Variants in ESRP1 observed in about 807,000 individuals in gnomAD.
ESRP1 encodes RNA-binding motif protein 35A.
In ESRP1, 33 loss-of-function variants were observed where a neutral mutation model predicts 81.7. The observed-to-expected ratio is 0.40, with a 90% CI of 0.31 to 0.54. The LOEUF is 0.54. ESRP1 is among the 20% of genes least tolerant of loss of function. The probability of loss-of-function intolerance (pLI) is 0.41; values close to 1 mark genes in which losing one functional copy is unlikely to be tolerated. For missense variants in ESRP1, 672 were observed against 833.1 expected, an observed-to-expected ratio of 0.81 and a Z score of 2.38; for synonymous variants, 320 against 303.3, an observed-to-expected ratio of 1.06 and a Z score of -0.57.
intron 13 of ESRP1, among the ~76,000 whole-genome samples, chr8:94,679,974 T>C (rs1381072365): frequency 2.6e-5 from 4 of 152,184 alleles, no homozygotes; most frequent in Non-Finnish European, 5.9e-5. Context: ...TATTTGTAGA[T>C]ATCTGTACTT....
At chr8:94,704,119 A>G (rs1238784094) in intron 15 of ESRP1, among the ~76,000 whole-genome samples, 3 of 148,812 alleles carry the variant, frequency 2.0e-5, no homozygotes, top group Admixed American at 6.7e-5. Flanking sequence ...TGTAGAATCT[A>G]TGTTATTAAG....
intron 3 of ESRP1, among the ~76,000 whole-genome samples, chr8:94,645,641 T>A (rs190923767): frequency 6.6e-6 from 1 of 151,860 alleles, no homozygotes; most frequent in East Asian, 1.9e-4. Context: ...AATGTGGGAC[T>A]ATTATTTGGC....
At chr8:94,667,878 T>C in intron 9 of ESRP1, 71 bp from the exon 10 acceptor site, 1 of 1,324,538 alleles carries the variant, frequency 7.5e-7, no homozygotes. Flanking sequence ...AGGACTTTTA[T>C]CACTTTAAAA....
intron 11 of ESRP1, among the ~76,000 whole-genome samples, chr8:94,672,937 C>T (rs749406832): frequency 1.3e-3 from 202 of 152,142 alleles, no homozygotes; most frequent in Admixed American, 2.9e-3. Flanking sequence ...TTTTTTTCCC[C>T]TAAATTGCTA....
At chr8:94,690,467 T>C (rs1005702786) in intron 13 of ESRP1, among the ~76,000 whole-genome samples, 7 of 151,998 alleles carry the variant, frequency 4.6e-5, no homozygotes, top group African/African-American at 7.3e-5. Context: ...CTTACTTTCA[T>C]GTCCTGTCAG....
Position 94,685,022 on chromosome 8 carries a change from T to TA in ESRP1, c.1820+6664dup, listed in dbSNP as rs34287340. Reference sequence around the variant, plus strand: ...GTGGGAGACAGCACAAGCCTGTCTTTAAAAAAAAAAAAAGCCATATATATC... The same window carrying TA: ...GTGGGAGACAGCACAAGCCTGTCTTTAAAAAAAAAAAAAAGCCATATATATC... On this transcript the variant is annotated intron_variant, in intron 13 of 15. Transcript: ENST00000433389. Among the ~76,000 whole-genome samples, 377 of 143,898 alleles carry TA rather than the reference T, an allele frequency of 2.6e-3. 1 individual carries two copies. Among genetic ancestry groups the TA allele is most frequent in the African/African-American group, 7.3e-3 (285 of 39,018 alleles). The allele number at this position is 143,898 out of a possible 152,430, so 94.4% of individuals were successfully genotyped here. A position where few individuals can be genotyped will look rare whatever the true frequency, so the allele number is the denominator to read the frequency against.
chr8:94,702,588 A>G (rs1053780010), intron 15 of ESRP1, among the ~76,000 whole-genome samples: 1 of 152,208 alleles, frequency 6.6e-6, no homozygotes, highest in Non-Finnish European at 1.5e-5. Context: ...AAAAACACAT[A>G]GGAAGTACTT....
chr8:94,641,329 C>G lies in ESRP1; in HGVS notation c.11C>G (p.Ser4Cys). MTA[S>C]PDYLVVLFGI... ...TCCCCACCTATCGTCATGACGGCCT[C>G]TCCGGATTACTTGGTGGTGCTTTTT... Residue 4 changes from serine to cysteine, a missense_variant, in exon 1 of 16, where the codon TCT becomes TGT. By Grantham distance (112) the Ser-to-Cys change is moderately radical. Transcript: ENST00000433389. 9.9e-6 allele frequency: 16 copies of G among 1,613,412 alleles called. No individual in the cohort carries two copies. The highest frequency in any genetic ancestry group is 1.4e-5 in the Non-Finnish European group (16 of 1,179,612).
At chr8:94,703,720 C>T (rs1427383745) in intron 15 of ESRP1, among the ~76,000 whole-genome samples, 2 of 152,126 alleles carry the variant, frequency 1.3e-5, no homozygotes, top group Non-Finnish European at 2.9e-5. Flanking sequence ...CTCTGAGATA[C>T]CCCTAGCAAC....
rs180930161 is a variant in ESRP1, at chr8:94,686,334, C to T, written c.1821-6343C>T. ...TGTATTTCATTCAGTAATTTCCTAA[C>T]ATGATCTTGGTGCAGCTTACTGAAG... On this transcript the variant is annotated intron_variant, in intron 13 of 15. Coordinates refer to ENST00000433389, the MANE Select transcript of ESRP1 (RefSeq NM_017697.4). Among the ~76,000 whole-genome samples the T allele has an allele frequency of 4.5e-4, 68 of 152,334 alleles. 2 individuals are homozygous for T. The highest frequency in any genetic ancestry group is 4.3e-4 in the Non-Finnish European group (29 of 68,026).
Position 94,646,603 on chromosome 8 carries a change from C to G in ESRP1, c.490+321C>G, listed in dbSNP as rs1056908740. On this transcript the variant is annotated intron_variant, in intron 4 of 15. Coordinates refer to ENST00000433389, the MANE Select transcript of ESRP1 (RefSeq NM_017697.4). ...GACTTTAGTGCAGATTCTAAGGCCA[C>G]TTTTTCTTGGTTACTGTGATTTTAG... 3.3e-5 allele frequency among the ~76,000 whole-genome samples: 5 copies of G among 152,030 alleles called. No homozygotes were observed. In the East Asian group the frequency reaches 7.7e-4, roughly 23 times the overall value.
At position 94,671,431 on chromosome 8, in the gene ESRP1, TTC is replaced by T; in HGVS notation, c.1234-20_1234-19del. The T allele has an allele frequency of 6.2e-7, 1 of 1,600,750 alleles. No homozygotes were observed. Among genetic ancestry groups the T allele is most frequent in the African/African-American group, 1.3e-5 (1 of 74,716 alleles). ...GGGGAGTAGCACAGCTCTAAATTAC[TTC>T]TGTTTTGCTTTGAGTACAGGTGCTG... On this transcript the variant is annotated intron_variant, in intron 10 of 15. Coordinates refer to ENST00000433389, the MANE Select transcript of ESRP1 (RefSeq NM_017697.4).
chr8:94,691,379 G>A (rs1809397925), intron 13 of ESRP1, among the ~76,000 whole-genome samples: 2 of 152,184 alleles, frequency 1.3e-5, no homozygotes, highest in African/African-American at 2.4e-5. Context: ...TTAATGTAAA[G>A]TAATAGTTCA....
intron 13 of ESRP1, among the ~76,000 whole-genome samples, chr8:94,680,450 G>A (rs781535620): frequency 2.2e-4 from 33 of 151,316 alleles, no homozygotes; most frequent in African/African-American, 7.3e-4. Flanking sequence ...TTTTTGAGTC[G>A]GAGTTTCGCT....
In ESRP1 at chr8:94,646,156, G is replaced by A. The variant is rs1291424899; in HGVS notation, c.376-12G>A. ...TCACCTAGTTAACATTATCTACCTT[G>A]TCCTTCCTCAGAATGTACTATTACC... On this transcript the variant is annotated splice_polypyrimidine_tract_variant and intron_variant, in intron 3 of 15. Transcript: ENST00000433389. 3 of 1,501,268 alleles carry A rather than the reference G, an allele frequency of 2.0e-6. No individual in the cohort carries two copies. Among genetic ancestry groups the A allele is most frequent in the Non-Finnish European group, 2.8e-6 (3 of 1,084,378 alleles). 93.0% of individuals were successfully genotyped at this position (1,501,268 alleles called of 1,614,324 possible).
intron 9 of ESRP1, among the ~76,000 whole-genome samples, chr8:94,666,231 C>G (rs1187304565): frequency 6.6e-6 from 1 of 152,126 alleles, no homozygotes; most frequent in Non-Finnish European, 1.5e-5. Flanking sequence ...TTTGAAACAT[C>G]TCTGTTGGAG....
Position 94,696,839 on chromosome 8 carries a change from A to G in ESRP1, c.1972-13A>G, listed in dbSNP as rs1206740998. On this transcript the variant is annotated splice_polypyrimidine_tract_variant and intron_variant, in intron 14 of 15. Coordinates refer to ENST00000433389, the MANE Select transcript of ESRP1 (RefSeq NM_017697.4). ...CCGTCTTTTGATCTTGTTTGTTTTA[A>G]CTTGCATTTTAGTATGCAACCGAGG... 1.3e-6 allele frequency: 2 copies of G among 1,554,506 alleles called. No individual in the cohort carries two copies. Among genetic ancestry groups the G allele is most frequent in the Non-Finnish European group, 1.7e-6 (2 of 1,146,728 alleles).
intron 13 of ESRP1, among the ~76,000 whole-genome samples, chr8:94,684,144 C>T (rs1809043753): frequency 6.9e-6 from 1 of 144,842 alleles, no homozygotes; most frequent in Non-Finnish European, 1.5e-5. Flanking sequence ...ACTGCGCACG[C>T]CTTGGGGTAA....
chr8:94,642,142 A>G lies in ESRP1; in HGVS notation c.261+58A>G, dbSNP rs888324586. ...CCTGGGCCCAACCCCACCGCACCCT[A>G]CGCCCTCTCAGGGCGGCCCACGCGT... On this transcript the variant is annotated intron_variant, in intron 2 of 15. Coordinates refer to ENST00000433389, the MANE Select transcript of ESRP1 (RefSeq NM_017697.4). 4.4e-6 allele frequency: 7 copies of G among 1,574,812 alleles called. No homozygotes were observed. The African/African-American group carries it at 9.4e-5, about 21-fold the overall frequency.
Sources: allele counts gnomAD v4.1 joint callset (sites outside exome capture counted in the v4.1 genomes callset), GRCh38; gene constraint gnomAD v4.1.1; transcripts MANE v1.5; gene names NCBI Gene and HGNC (gene_info 2026-07-23, HGNC 2026-07-21).